KIAA1328: variants seen among roughly 807,000 people sequenced by gnomAD.
KIAA1328 encodes the protein KIAA1328.
In KIAA1328, 52 loss-of-function variants were observed where a neutral mutation model predicts 68.1. The observed-to-expected ratio is 0.76, with a 90% CI of 0.61 to 0.96. The LOEUF is 0.96. KIAA1328 is among the 40% of genes least tolerant of loss of function. KIAA1328 has a pLI of 0.00. For synonymous variants in KIAA1328, 232 were observed against 239.4 expected, an observed-to-expected ratio of 0.97 and a Z score of 0.28; for missense variants, 641 against 677.6, an observed-to-expected ratio of 0.95 and a Z score of 0.60.
intron 7 of KIAA1328, among the ~76,000 whole-genome samples, chr18:37,087,943 T>C (rs1006629994): frequency 6.6e-6 from 1 of 152,198 alleles, no homozygotes; most frequent in African/African-American, 2.4e-5. Context: ...TCCTGGGGGA[T>C]AAACCTCCAG....
At chr18:36,945,700 G>A (rs150623874) in intron 5 of KIAA1328, among the ~76,000 whole-genome samples, 98 of 152,254 alleles carry the variant, frequency 6.4e-4, no homozygotes, top group African/African-American at 2.2e-3. Context: ...TAATGGTCTA[G>A]CAATGTTAAA....
chr18:37,177,697 C>G (rs564238659), intron 9 of KIAA1328, among the ~76,000 whole-genome samples: 92 of 151,666 alleles, frequency 6.1e-4, no homozygotes, highest in African/African-American at 2.2e-3. Flanking sequence ...TGTTTTGTTT[C>G]TTTTTGAGTT....
intron 6 of KIAA1328, among the ~76,000 whole-genome samples, chr18:36,980,558 CA>C (rs1180856621): frequency 6.6e-6 from 1 of 152,132 alleles, no homozygotes; most frequent in African/African-American, 2.4e-5. Context: ...CACTGTTATA[CA>C]TTTAGAATAT....
chr18:37,229,480 T>C (rs2060655105), downstream of KIAA1328: 2 of 1,061,630 alleles, frequency 1.9e-6, no homozygotes, highest in African/African-American at 1.7e-5. Context: ...CTTGCCAAGG[T>C]CATCAACTAG....
chr18:37,155,293 T>C (rs940731356), intron 7 of KIAA1328, among the ~76,000 whole-genome samples: 3 of 152,076 alleles, frequency 2.0e-5, no homozygotes, highest in Non-Finnish European at 4.4e-5. Context: ...ACTTAGCCAA[T>C]AGCAAAAAGC....
At chr18:36,881,777 C>A (rs912712426) in intron 4 of KIAA1328, among the ~76,000 whole-genome samples, 2 of 152,164 alleles carry the variant, frequency 1.3e-5, no homozygotes, top group Non-Finnish European at 2.9e-5. Flanking sequence ...TGGTAGGTAT[C>A]ATGTATTACT....
chr18:36,891,163 A>G (rs2048672662), intron 5 of KIAA1328, among the ~76,000 whole-genome samples: 1 of 152,220 alleles, frequency 6.6e-6, no homozygotes, highest in Admixed American at 6.5e-5. Context: ...AAAGAGATAC[A>G]ATTGGAGCCC....
intron 7 of KIAA1328, among the ~76,000 whole-genome samples, chr18:37,098,231 A>G (rs1366098443): frequency 6.6e-6 from 1 of 152,170 alleles, no homozygotes; most frequent in Non-Finnish European, 1.5e-5. Flanking sequence ...AGCTCTTATT[A>G]TTTTGAGATA....
At chr18:36,931,532 C>T (rs1018097780) in intron 5 of KIAA1328, among the ~76,000 whole-genome samples, 1 of 152,016 alleles carries the variant, frequency 6.6e-6, no homozygotes, top group African/African-American at 2.4e-5. Context: ...TGAAACCGGT[C>T]CTTGATGCCA....
intron 9 of KIAA1328, among the ~76,000 whole-genome samples, chr18:37,180,508 T>G (rs1359544526): frequency 6.6e-6 from 1 of 152,190 alleles, no homozygotes; most frequent in Non-Finnish European, 1.5e-5. Flanking sequence ...ATTTGTTTTG[T>G]TTTTATAACT....
chr18:36,981,739 A>G (rs2052695800), intron 6 of KIAA1328, among the ~76,000 whole-genome samples: 1 of 148,340 alleles, frequency 6.7e-6, no homozygotes, highest in Admixed American at 6.9e-5. Context: ...GGTGCACAAC[A>G]CGACACCTGG....
At chr18:37,073,483 A>G (rs138355513) in intron 7 of KIAA1328, among the ~76,000 whole-genome samples, 19 of 152,278 alleles carry the variant, frequency 1.2e-4, no homozygotes, top group African/African-American at 4.3e-4. Context: ...TCAGAATGGC[A>G]ATTATTAAAA....
Position 37,224,799 on chromosome 18 carries a change from C to T in KIAA1328, c.*2572C>T, listed in dbSNP as rs1043464486. The T allele has an allele frequency of 3.9e-5, 38 of 985,260 alleles. No individual in the cohort carries two copies. The highest frequency in any genetic ancestry group is 8.7e-5 in the African/African-American group (5 of 57,224). 61.0% of individuals were successfully genotyped at this position (985,260 alleles called of 1,614,324 possible). On this transcript the variant is annotated 3_prime_UTR_variant, in exon 10 of 10. Transcript: ENST00000280020. ...GACTGGACACATGCCGAGGGCGTTG[C>T]GGATAGTGCCTCACCATTGCCCACC...
At chr18:37,203,798 C>T (rs1268876365) in intron 9 of KIAA1328, among the ~76,000 whole-genome samples, 1 of 151,410 alleles carries the variant, frequency 6.6e-6, no homozygotes. Flanking sequence ...GGCTACCTAC[C>T]TAGAACCCAG....
intron 9 of KIAA1328, among the ~76,000 whole-genome samples, chr18:37,196,153 T>C (rs1399599284): frequency 1.3e-5 from 2 of 152,178 alleles, no homozygotes; most frequent in Admixed American, 6.5e-5. Context: ...TCCTGCAACT[T>C]GACTAAATTT....
intron 4 of KIAA1328, among the ~76,000 whole-genome samples, chr18:36,883,377 A>T (rs995513950): frequency 6.6e-6 from 1 of 152,196 alleles, no homozygotes; most frequent in Non-Finnish European, 1.5e-5. Context: ...TACCTCCACA[A>T]GGGAAAAAAG....
chr18:37,148,129 C>A (rs143400751), intron 7 of KIAA1328, among the ~76,000 whole-genome samples: 1 of 152,100 alleles, frequency 6.6e-6, no homozygotes, highest in Non-Finnish European at 1.5e-5. Context: ...CTCCCTCCCC[C>A]CACCACACCT....
intron 4 of KIAA1328, among the ~76,000 whole-genome samples, chr18:36,848,776 G>A (rs1205479583): frequency 6.8e-6 from 1 of 147,894 alleles, no homozygotes; most frequent in Non-Finnish European, 1.5e-5. Flanking sequence ...ATAAATTGGA[G>A]TAGAATTTGT....
chr18:36,898,690 T>A (rs1345716568), intron 5 of KIAA1328, among the ~76,000 whole-genome samples: 2 of 152,030 alleles, frequency 1.3e-5, no homozygotes, highest in Non-Finnish European at 2.9e-5. Context: ...AGCCACACTT[T>A]TTTAAAGTCT....
Sources: allele counts gnomAD v4.1 joint callset (sites outside exome capture counted in the v4.1 genomes callset), GRCh38; gene constraint gnomAD v4.1.1; transcripts MANE v1.5; gene names NCBI Gene and HGNC (gene_info 2026-07-23, HGNC 2026-07-21).